Variants in SPMIP2 observed in about 807,000 individuals in gnomAD.
The protein encoded by SPMIP2 is protein SPMIP2.
the SPMIP2 span, among the ~76,000 whole-genome samples, chr4:158,950,403 C>G: frequency 6.6e-6 from 1 of 152,152 alleles, no homozygotes; most frequent in Non-Finnish European, 1.5e-5. Flanking sequence ...AAGCCTAAAC[C>G]ACAGCCATTT....
the SPMIP2 span, among the ~76,000 whole-genome samples, chr4:159,080,490 A>G: frequency 6.6e-6 from 1 of 152,116 alleles, no homozygotes; most frequent in Non-Finnish European, 1.5e-5. Context: ...AAGTGCTGAC[A>G]TTACAGGCAT....
At chr4:159,012,740 T>C in the SPMIP2 span, among the ~76,000 whole-genome samples, 1 of 151,850 alleles carries the variant, frequency 6.6e-6, no homozygotes, top group South Asian at 2.1e-4. Flanking sequence ...CCCAGCTAAA[T>C]TTTTTTTATT....
the SPMIP2 span, among the ~76,000 whole-genome samples, chr4:158,944,441 T>C: frequency 6.6e-6 from 1 of 152,180 alleles, no homozygotes; most frequent in Non-Finnish European, 1.5e-5. Flanking sequence ...ATGGCTCTTC[T>C]TTTTACAATC....
At chr4:158,968,053 A>T in the SPMIP2 span, among the ~76,000 whole-genome samples, 6 of 152,180 alleles carry the variant, frequency 3.9e-5, no homozygotes, top group African/African-American at 1.4e-4. Context: ...TATTTTTGAG[A>T]AGGTCTCACT....
the SPMIP2 span, among the ~76,000 whole-genome samples, chr4:158,973,983 C>CA: frequency 0.32 from 20,796 of 65,084 alleles, 4,690 homozygotes; most frequent in African/African-American, 0.43. Flanking sequence ...AAGGCCACCT[C>CA]AAAAAAAAAA....
the SPMIP2 span, among the ~76,000 whole-genome samples, chr4:158,976,507 T>C: frequency 6.6e-6 from 1 of 152,140 alleles, no homozygotes; most frequent in East Asian, 1.9e-4. Context: ...GGGGGTTGAA[T>C]TTTATGGAAG....
the SPMIP2 span, among the ~76,000 whole-genome samples, chr4:158,910,758 C>T: frequency 6.6e-6 from 1 of 152,198 alleles, no homozygotes; most frequent in African/African-American, 2.4e-5. Flanking sequence ...GGAGCTGCAA[C>T]ATCAGTTTCT....
chr4:158,965,827 C>A, the SPMIP2 span, among the ~76,000 whole-genome samples: 2 of 152,124 alleles, frequency 1.3e-5, no homozygotes, highest in African/African-American at 2.4e-5. Context: ...AGATTCCAGT[C>A]TCCATTTCTC....
the SPMIP2 span, among the ~76,000 whole-genome samples, chr4:159,045,110 A>AG: frequency 5.9e-5 from 9 of 152,070 alleles, no homozygotes; most frequent in African/African-American, 2.2e-4. Flanking sequence ...AAAAAAAAAA[A>AG]GAAGTTATAG....
the SPMIP2 span, among the ~76,000 whole-genome samples, chr4:158,992,315 CT>C: frequency 1.3e-5 from 2 of 152,206 alleles, no homozygotes; most frequent in Non-Finnish European, 2.9e-5. Context: ...CTACATTTGC[CT>C]TGCAGATATT....
At chr4:159,016,513 A>G in the SPMIP2 span, among the ~76,000 whole-genome samples, 343 of 152,192 alleles carry the variant, frequency 2.3e-3, 1 homozygote, top group Non-Finnish European at 3.5e-3. Context: ...CTAGCTCCCA[A>G]TTTTCTAGTT....
the SPMIP2 span, among the ~76,000 whole-genome samples, chr4:159,003,859 A>G: frequency 6.6e-6 from 1 of 152,198 alleles, no homozygotes; most frequent in Non-Finnish European, 1.5e-5. Flanking sequence ...CAGGACTTAA[A>G]AGGCAAAAAT....
At chr4:159,011,011 GTC>G in the SPMIP2 span, among the ~76,000 whole-genome samples, 1 of 152,018 alleles carries the variant, frequency 6.6e-6, no homozygotes, top group East Asian at 1.9e-4. Flanking sequence ...ACCACATGAT[GTC>G]TCTCTTTGTA....
the SPMIP2 span, among the ~76,000 whole-genome samples, chr4:158,936,667 G>A: frequency 6.6e-6 from 1 of 152,148 alleles, no homozygotes; most frequent in Non-Finnish European, 1.5e-5. Flanking sequence ...CCCTTTGGAA[G>A]ATTCACAGGA....
chr4:159,071,885 G>A, the SPMIP2 span, among the ~76,000 whole-genome samples: 1 of 152,212 alleles, frequency 6.6e-6, no homozygotes, highest in African/African-American at 2.4e-5. Context: ...GAGTTCTTTG[G>A]TTCAGCTGCC....
At chr4:159,037,783 T>TAC in the SPMIP2 span, among the ~76,000 whole-genome samples, 998 of 97,562 alleles carry the variant, frequency 0.01, 5 homozygotes, top group African/African-American at 0.019. Context: ...AAAAACAATA[T>TAC]ATACACACAC....
chr4:158,899,561 T>C, the SPMIP2 span, among the ~76,000 whole-genome samples: 8 of 152,248 alleles, frequency 5.3e-5, no homozygotes, highest in Non-Finnish European at 8.8e-5. Context: ...ATTTGACTTC[T>C]TCCTAGTTTA....
At chr4:158,978,211 C>A in the SPMIP2 span, among the ~76,000 whole-genome samples, 18 of 152,278 alleles carry the variant, frequency 1.2e-4, no homozygotes, top group Admixed American at 7.2e-4. Context: ...TGTTCAGTTT[C>A]CAGGTAGTTG....
the SPMIP2 span, among the ~76,000 whole-genome samples, chr4:159,020,701 G>A: frequency 6.6e-6 from 1 of 152,138 alleles, no homozygotes; most frequent in Non-Finnish European, 1.5e-5. Context: ...AGCCCCAAAT[G>A]TATGCTTCAA....
Sources: gnomAD v4.1 joint callset for allele counts (sites outside exome capture counted in the v4.1 genomes callset) on GRCh38, gnomAD v4.1.1 for gene constraint, MANE v1.5 for transcripts, NCBI Gene and HGNC (gene_info 2026-07-23, HGNC 2026-07-21) for gene names.